The following SMUG1 variants were observed in gnomAD, a reference collection of about 807,000 sequenced individuals.
The protein encoded by SMUG1 is single-strand-selective monofunctional uracil-DNA glycosylase 1, also known as single-strand selective monofunctional uracil DNA glycosylase.
A neutral mutation model predicts 23.9 loss-of-function variants in SMUG1; 13 were observed. That is an observed-to-expected ratio of 0.54 (90% CI 0.35 to 0.86). The LOEUF (loss-of-function observed/expected upper bound fraction) is 0.86. Among genes scored for constraint, SMUG1 ranks in the 40% least tolerant of loss-of-function variants. The pLI is 0.01. For synonymous variants in SMUG1, 133 were observed against 139.8 expected (o/e 0.95, Z 0.34); for missense variants, 313 against 339.5 (o/e 0.92, Z 0.61).
At chr12:54,161,375 A>G (rs11834879), downstream of SMUG1, among the ~76,000 whole-genome samples, 9,993 of 152,124 alleles carry the variant, frequency 0.066, 1,084 homozygotes, top group African/African-American at 0.23. The surrounding 1 kb of genome is among the most constrained non-coding windows in gnomAD (Gnocchi z 4.2). Context: ...GCCCCAGACC[A>G]AGGGCCAACA....
chr12:54,179,635 A>C (rs1242785912), downstream of SMUG1, among the ~76,000 whole-genome samples: 1 of 152,110 alleles, frequency 6.6e-6, no homozygotes, highest in Non-Finnish European at 1.5e-5. Flanking sequence ...TCGGGGTTTA[A>C]GGGCATACTC....
chr12:54,176,815 A>T (rs963125212), downstream of SMUG1, among the ~76,000 whole-genome samples: 19 of 78,586 alleles, frequency 2.4e-4, no homozygotes, highest in Non-Finnish European at 3.8e-4. Context: ...TCAAAAAAAT[A>T]AAAACTAAAA....
rs71070813 is a variant in SMUG1 at position 54,185,485 on chromosome 12, AAAATAAATAAATAAATAAAT to A, written c.-19-1546_-19-1527del. The stretch of plus-strand genomic sequence containing the variant: ...TCCATCTCAAAAAAAAATAAAATAA[AAAATAAATAAATAAATAAAT>A]AAATAAATAAATAAATAAATAAATT... On this transcript the variant is annotated intron_variant, in intron 2 of 3. Transcript: ENST00000682136. 9.4e-4 allele frequency among the ~76,000 whole-genome samples: 80 copies of A among 85,260 alleles called. 9 individuals are homozygous for A. The highest frequency in any genetic ancestry group is 3.7e-3 in the East Asian group (12 of 3,264). The allele number at this position is 85,260 out of a possible 152,430, so 55.9% of individuals were successfully genotyped here.
At chr12:54,186,841 A>AT (rs1206384166) in intron 2 of SMUG1, 3 of 152,248 alleles carry the variant, frequency 2.0e-5, no homozygotes, top group African/African-American at 7.2e-5. Flanking sequence ...GGTACTCAAC[A>AT]AACACCTGCT....
chr12:54,172,559 G>C (rs977647671), intron 2 of SMUG1: 3 of 160,772 alleles, frequency 1.9e-5, no homozygotes, highest in African/African-American at 7.2e-5. Context: ...GAGCTCAGGT[G>C]GGGGGTCTCC....
chr12:54,181,500 A>G lies in SMUG1; in HGVS notation c.*596T>C, dbSNP rs1267444881. On this transcript the variant is annotated 3_prime_UTR_variant, in exon 4 of 4. Coordinates refer to ENST00000682136, the MANE Select transcript of SMUG1 (RefSeq NM_001243787.2). ...GCATAGAGAGGTTTATTAATTTGTCAATCAAAAAGTTCCAAGTTTCAAAGC... is the reference window on the plus strand; with the variant it reads ...GCATAGAGAGGTTTATTAATTTGTCGATCAAAAAGTTCCAAGTTTCAAAGC... The G allele has an allele frequency of 2.0e-6, 3 of 1,486,130 alleles. No homozygotes were observed. In the African/African-American group the frequency reaches 4.2e-5, roughly 21 times the overall value. 92.1% of individuals were successfully genotyped at this position (1,486,130 alleles called of 1,614,324 possible). A position where few individuals can be genotyped will look rare whatever the true frequency, so the allele number is the denominator to read the frequency against.
chr12:54,160,121 GC>G (rs1940197824), downstream of SMUG1, among the ~76,000 whole-genome samples: 2 of 152,216 alleles, frequency 1.3e-5, no homozygotes, highest in African/African-American at 4.8e-5. Context: ...AGCTGAATGG[GC>G]AGGGACCCCC....
chr12:54,183,879 T>TG lies in SMUG1; in HGVS notation c.61dup (p.Gln21ProfsTer9). On this transcript the variant is annotated frameshift_variant, in exon 3 of 4. Coordinates refer to ENST00000682136, the MANE Select transcript of SMUG1 (RefSeq NM_001243787.2). LOFTEE classifies it high-confidence loss of function. ...CTCAGCCAAGCTTCCAGGGCAGGGC[T>TG]GGGGCTCCATGAGGGCACCTGCAGG... 1 of 1,609,336 alleles carries TG rather than the reference T, an allele frequency of 6.2e-7. No individual in the cohort carries two copies. The highest frequency in any genetic ancestry group is 8.5e-7 in the Non-Finnish European group (1 of 1,177,810).
Position 54,181,305 on chromosome 12 carries a change from T to G in SMUG1, c.*791A>C, listed in dbSNP as rs1941032908. The G allele has an allele frequency of 1.9e-6, 1 of 517,092 alleles. No homozygotes were observed. Among genetic ancestry groups the G allele is most frequent in the Non-Finnish European group, 3.5e-6 (1 of 288,616 alleles). The allele number at this position is 517,092 out of a possible 1,614,324, so 32.0% of individuals were successfully genotyped here. ...TATCCAGAATGGAGAGGGGCTACCC[T>G]TGTAGTGCAGTGCTGTGAATCCTCA... is the stretch of plus-strand genomic sequence containing the variant. On this transcript the variant is annotated 3_prime_UTR_variant, in exon 4 of 4. Coordinates refer to ENST00000682136, the MANE Select transcript of SMUG1 (RefSeq NM_001243787.2).
chr12:54,176,655 A>C (rs1011591562), downstream of SMUG1, among the ~76,000 whole-genome samples: 1 of 151,390 alleles, frequency 6.6e-6, no homozygotes, highest in African/African-American at 2.4e-5. Flanking sequence ...AAATACAAAA[A>C]AATTAGCCGG....
rs1223923728 is a variant in SMUG1, at chr12:54,182,493, G to A, written c.416C>T (p.Ala139Val). The change falls in exon 4 of 4, where the codon GCC becomes GTC. Residue 139 changes from alanine (A) to valine (V), a missense_variant. By Grantham distance (64) the Ala-to-Val change is moderately conservative. Transcript: ENST00000682136. ...GTTCCGGAAAAAGCCCCAGAATCGG[G>A]CACCACTCACTTCTGACTGTGGGCA... ...LECPQSEVSG[A>V]RFWGFFRNLC... 1.2e-6 allele frequency: 2 copies of A among 1,614,062 alleles called. No homozygotes were observed. The highest frequency in any genetic ancestry group is 1.1e-5 in the South Asian group (1 of 91,076).
chr12:54,171,593 G>A (rs907299196), intron 3 of SMUG1, among the ~76,000 whole-genome samples: 1 of 150,754 alleles, frequency 6.6e-6, no homozygotes, highest in Non-Finnish European at 1.5e-5. Flanking sequence ...CGGAGGCTGA[G>A]GCAGAATTGC....
chr12:54,166,492 G>C (rs1940469513), intron 3 of SMUG1, among the ~76,000 whole-genome samples: 1 of 152,148 alleles, frequency 6.6e-6, no homozygotes, highest in Non-Finnish European at 1.5e-5. Flanking sequence ...TGATAGCCCT[G>C]TCCCCAAGCC....
chr12:54,183,447 A>C (rs1269903204), intron 3 of SMUG1: 1 of 589,860 alleles, frequency 1.7e-6, no homozygotes, highest in Non-Finnish European at 3.0e-6. Context: ...GGAAAACGAA[A>C]CTACCATTAA....
chr12:54,176,237 AG>A (rs1940745624), downstream of SMUG1, among the ~76,000 whole-genome samples: 1 of 148,898 alleles, frequency 6.7e-6, no homozygotes, highest in African/African-American at 2.5e-5. Context: ...AAAAAAAAAA[AG>A]GCTGGGCATG....
chr12:54,176,099 G>A (rs56803270), downstream of SMUG1, among the ~76,000 whole-genome samples: 7,449 of 152,224 alleles, frequency 0.049, 295 homozygotes, highest in East Asian at 0.19. Flanking sequence ...GTTGGCACAT[G>A]CCTGTAATCC....
chr12:54,166,846 C>T (rs1274607018), intron 3 of SMUG1, among the ~76,000 whole-genome samples: 1 of 152,120 alleles, frequency 6.6e-6, no homozygotes, highest in African/African-American at 2.4e-5. Flanking sequence ...CCAGACTCCT[C>T]CCACAAATAA....
At chr12:54,171,661 T>TA (rs1403761637) in intron 3 of SMUG1, among the ~76,000 whole-genome samples, 1 of 120,138 alleles carries the variant, frequency 8.3e-6, no homozygotes. Flanking sequence ...CACTCCAGCC[T>TA]GGCAACAGAG....
chr12:54,164,978 C>A (rs1592339728), intron 4 of SMUG1: 1 of 152,196 alleles, frequency 6.6e-6, no homozygotes, highest in East Asian at 1.9e-4. Flanking sequence ...TGACAACAAC[C>A]CTATTATTCC....
Sources: allele counts gnomAD v4.1 joint callset (sites outside exome capture counted in the v4.1 genomes callset), GRCh38; gene constraint gnomAD v4.1.1; non-coding constraint Gnocchi (gnomAD v3.1); transcripts MANE v1.5; gene names NCBI Gene and HGNC (gene_info 2026-07-23, HGNC 2026-07-21).